The following C22orf31 variants were observed in gnomAD, a reference collection of about 807,000 sequenced individuals.
C22orf31 encodes uncharacterized protein C22orf31.
C22orf31 carries 11 observed loss-of-function variants against 15.0 expected under a neutral mutation model. The ratio of observed to expected loss-of-function variants is 0.73; its 90% CI spans 0.46 to 1.21. The LOEUF (loss-of-function observed/expected upper bound fraction) is 1.21, where lower values mean the gene tolerates loss of function less well. Ranked by LOEUF, C22orf31 falls within the 50% of genes most tolerant of loss-of-function variation. The pLI is 0.00. For missense variants in C22orf31, 340 were observed against 347.2 expected (o/e 0.98, Z 0.17); for synonymous variants, 132 against 133.3 (o/e 0.99, Z 0.07).
chr22:29,072,139 T>G, the C22orf31 span, among the ~76,000 whole-genome samples: 18 of 152,034 alleles, frequency 1.2e-4, no homozygotes, highest in African/African-American at 1.5e-4. Context: ...GTTTTGGTTT[T>G]TTTTTGTTTT....
upstream of C22orf31, among the ~76,000 whole-genome samples, chr22:29,064,079 G>A (rs2037413460): frequency 6.6e-6 from 1 of 152,146 alleles, no homozygotes; most frequent in African/African-American, 2.4e-5. Flanking sequence ...TGTTGGCCAG[G>A]CTAGTCTCAA....
At chr22:29,060,319 C>T (rs544129123) in intron 2 of C22orf31, 96 bp downstream of exon 2, 76 of 1,165,056 alleles carry the variant, frequency 6.5e-5, no homozygotes, top group Admixed American at 1.7e-4. Flanking sequence ...AGGCGGTAGC[C>T]GCACGCCATA....
the C22orf31 span, chr22:29,073,285 A>G: frequency 2.6e-6 from 2 of 762,778 alleles, no homozygotes; most frequent in South Asian, 6.1e-5. This position sits in a 1 kb window ranked among gnomAD's most constrained non-coding sequence, Gnocchi z 4.4. Context: ...GAGGGGCGAC[A>G]AGGGCCGGCC....
chr22:29,073,157 C>G, the C22orf31 span: 1 of 1,149,744 alleles, frequency 8.7e-7, no homozygotes, highest in Non-Finnish European at 1.1e-6. This position sits in a 1 kb window ranked among gnomAD's most constrained non-coding sequence, Gnocchi z 4.4. Context: ...CCCGCCTCGC[C>G]CTGCTCTCCG....
chr22:29,065,093 T>C (rs2037420470), upstream of C22orf31, among the ~76,000 whole-genome samples: 1 of 152,050 alleles, frequency 6.6e-6, no homozygotes, highest in African/African-American at 2.4e-5. Context: ...GACCTCGTGA[T>C]CTACCAGCCT....
In C22orf31 at chr22:29,060,837, T is replaced by C. The variant is rs1263599125; in HGVS notation, c.10A>G (p.Ile4Val). Residue 4 changes from isoleucine (I) to valine (V), a missense_variant, in exon 2 of 3, where the codon ATC becomes GTC. Transcript: ENST00000216071. The stretch of plus-strand genomic sequence containing the variant: ...ATGCTGGGGTCTCGTCTCACATTGA[T>C]TGGGTGCTAGAATTATAAGGAGGGA... MHP[I>V]NVRRDPSIPI... The C allele has an allele frequency of 6.2e-7, 1 of 1,612,170 alleles. No homozygotes were observed.
chr22:29,060,470 C>G lies in C22orf31; in HGVS notation c.377G>C (p.Ser126Thr). The G allele has an allele frequency of 6.2e-7, 1 of 1,614,000 alleles. No individual in the cohort carries two copies. Among genetic ancestry groups the G allele is most frequent in the Non-Finnish European group, 8.5e-7 (1 of 1,180,028 alleles). ...TQQARKRNFI[S>T]SKSKQPAGHR... Reference sequence around the variant, plus strand: ...CCCTGCTGGCTGCTTGCTCTTGGAACTGATGAAGTTTCTTTTCCTGGCCTG... The same window carrying G: ...CCCTGCTGGCTGCTTGCTCTTGGAAGTGATGAAGTTTCTTTTCCTGGCCTG... The change falls in exon 2 of 3, where the codon AGT (serine) becomes ACT (threonine). Residue 126 changes from serine (S) to threonine (T), a missense_variant. Physicochemically the swap from Ser to Thr is moderately conservative, Grantham distance 58. Transcript: ENST00000216071.
At position 29,060,415 on chromosome 22, in the gene C22orf31, C is replaced by T; in HGVS notation, c.432G>A (p.Glu144=). 6.2e-7 allele frequency: 1 copy of T among 1,608,664 alleles called. No individual in the cohort carries two copies. Among genetic ancestry groups the T allele is most frequent in the Non-Finnish European group, 8.5e-7 (1 of 1,178,112 alleles). Residue 144 remains glutamate, a splice_region_variant and synonymous_variant, in exon 2 of 3, where the codon GAG becomes GAA. Coordinates refer to ENST00000216071, the MANE Select transcript of C22orf31 (RefSeq NM_015370.2). The stretch of plus-strand genomic sequence containing the variant: ...TTCCCCACCACTGGTCCTCGTCTAC[C>T]TCTCTGATGCCTCCTGCAGGCCTCC... ...GHRRPAGGIR[E]SKESSKEKKL...
chr22:29,063,471 CCTT>C (rs2037409694), upstream of C22orf31, among the ~76,000 whole-genome samples: 1 of 152,160 alleles, frequency 6.6e-6, no homozygotes, highest in Admixed American at 6.5e-5. Context: ...GCCTCAATCT[CCTT>C]CTTCCAGCAG....
Position 29,059,171 on chromosome 22 carries a change from A to AAAACTTTCTTTACTC in C22orf31, c.443_444insGAGTAAAGAAAGTTT (p.Ser148delinsArgSerLysGluSerPhe). On this transcript the variant is annotated protein_altering_variant, in exon 3 of 3. Transcript: ENST00000216071. ...GGACTGTTAGTTTTTTCTCCTTTGA[A>AAAACTTTCTTTACTC]CTTTCTTTACTCTAGCCAGGAAGAA... 1 of 1,604,750 alleles carries AAAACTTTCTTTACTC rather than the reference A, an allele frequency of 6.2e-7. No individual in the cohort carries two copies. Among genetic ancestry groups the AAAACTTTCTTTACTC allele is most frequent in the Non-Finnish European group, 8.5e-7 (1 of 1,175,802 alleles).
At chr22:29,059,712 A>G in intron 2 of C22orf31, 1 of 985,302 alleles carries the variant, frequency 1.0e-6, no homozygotes, top group Non-Finnish European at 1.2e-6. Flanking sequence ...TCGTAGGCCA[A>G]GTTCTCCATG....
the C22orf31 span, among the ~76,000 whole-genome samples, chr22:29,071,047 G>A: frequency 1.3e-5 from 2 of 152,084 alleles, no homozygotes; most frequent in African/African-American, 4.8e-5. Context: ...TGTCTGGGAG[G>A]GCACAGAAGT....
upstream of C22orf31, among the ~76,000 whole-genome samples, chr22:29,064,362 C>A (rs1396695926): frequency 3.3e-5 from 5 of 152,112 alleles, no homozygotes; most frequent in African/African-American, 1.2e-4. Flanking sequence ...GAATTCATAC[C>A]CCTGAACCTT....
At chr22:29,071,743 C>T in the C22orf31 span, among the ~76,000 whole-genome samples, 435 of 152,210 alleles carry the variant, frequency 2.9e-3, 1 homozygote, top group African/African-American at 1.0e-2. Context: ...CCGGGTGCGG[C>T]AGGGGAAGAC....
At chr22:29,071,431 G>C in the C22orf31 span, among the ~76,000 whole-genome samples, 1 of 151,892 alleles carries the variant, frequency 6.6e-6, no homozygotes, top group Admixed American at 6.5e-5. Flanking sequence ...CGGGCTCTGG[G>C]AGTGGATAAG....
intron 1 of C22orf31, among the ~76,000 whole-genome samples, chr22:29,061,282 G>C (rs763515034): frequency 4.6e-5 from 7 of 152,052 alleles, no homozygotes; most frequent in Non-Finnish European, 8.8e-5. Flanking sequence ...TTGTGTGTGG[G>C]GGGGACGGAG....
rs542236955 is a variant in C22orf31, at chr22:29,061,419, A to G, written c.3+371T>C. On this transcript the variant is annotated intron_variant, in intron 1 of 2. Coordinates refer to ENST00000216071, the MANE Select transcript of C22orf31 (RefSeq NM_015370.2). ...GTAGTTGAGATTACAGGCATGCACC[A>G]CCGCACCCAGCTGATGTTGTATTTT... Among the ~76,000 whole-genome samples, 3 of 152,144 alleles carry G rather than the reference A, an allele frequency of 2.0e-5. No homozygotes were observed. The South Asian group carries it at 6.2e-4, about 32-fold the overall frequency.
At chr22:29,064,014 C>T (rs556367474), upstream of C22orf31, among the ~76,000 whole-genome samples, 6 of 152,170 alleles carry the variant, frequency 3.9e-5, no homozygotes, top group South Asian at 4.2e-4. Context: ...ATTATAGGCA[C>T]GCACTATCAT....
upstream of C22orf31, among the ~76,000 whole-genome samples, chr22:29,063,099 G>T (rs1424800197): frequency 1.3e-5 from 2 of 152,056 alleles, no homozygotes; most frequent in Non-Finnish European, 2.9e-5. Flanking sequence ...TCTCCATCTT[G>T]AGTTTGGCTT....
Sources: gnomAD v4.1 joint callset for allele counts (sites outside exome capture counted in the v4.1 genomes callset) on GRCh38, gnomAD v4.1.1 for gene constraint, Gnocchi (gnomAD v3.1) non-coding constraint, MANE v1.5 for transcripts, NCBI Gene and HGNC (gene_info 2026-07-23, HGNC 2026-07-21) for gene names.